Variants in SLC5A8 observed in about 807,000 individuals in gnomAD.
SLC5A8 encodes the protein solute carrier family 5 member 8.
SLC5A8 carries 55 observed loss-of-function variants against 71.9 expected under a neutral mutation model. That is an observed-to-expected ratio of 0.77 (90% CI 0.62 to 0.96). SLC5A8 has a LOEUF of 0.96. Ranked by LOEUF, SLC5A8 falls within the 40% of genes least tolerant of loss-of-function variation. SLC5A8 has a pLI of 0.00. For missense variants in SLC5A8, 701 were observed against 745.3 expected (o/e 0.94, Z 0.69); for synonymous variants, 307 against 276.1 (o/e 1.11, Z -1.11).
intron 3 of SLC5A8, among the ~76,000 whole-genome samples, chr12:101,198,020 A>G (rs1229553186): frequency 6.6e-6 from 1 of 152,080 alleles, no homozygotes; most frequent in African/African-American, 2.4e-5. Context: ...AAATAACAAA[A>G]AGACATGATA....
intron 9 of SLC5A8, among the ~76,000 whole-genome samples, chr12:101,182,256 A>T (rs1300487606): frequency 6.6e-6 from 1 of 152,222 alleles, no homozygotes; most frequent in South Asian, 2.1e-4. Flanking sequence ...GTCAAAATTC[A>T]TAACACTCTG....
At chr12:101,187,899 A>G (rs998876387) in intron 6 of SLC5A8, among the ~76,000 whole-genome samples, 9 of 152,384 alleles carry the variant, frequency 5.9e-5, no homozygotes, top group East Asian at 3.9e-4. Flanking sequence ...AAGTAATGCA[A>G]TTGTAAACTG....
intron 10 of SLC5A8, among the ~76,000 whole-genome samples, chr12:101,179,288 C>G (rs1196851222): frequency 6.6e-6 from 1 of 152,212 alleles, no homozygotes; most frequent in Non-Finnish European, 1.5e-5. Flanking sequence ...GACAGTTGCA[C>G]TCCTGGGTAG....
At chr12:101,166,435 G>T (rs748643834) in intron 12 of SLC5A8, 59 bp downstream of exon 12, 87 of 1,441,840 alleles carry the variant, frequency 6.0e-5, no homozygotes, top group Non-Finnish European at 7.8e-5. Flanking sequence ...AGCAAGTGGG[G>T]TTCTCTACTT....
At chr12:101,201,975 T>C (rs1173703440) in intron 3 of SLC5A8, among the ~76,000 whole-genome samples, 189 bp downstream of exon 3, 2 of 152,150 alleles carry the variant, frequency 1.3e-5, no homozygotes, top group East Asian at 3.9e-4. Context: ...TACAGACACT[T>C]TGGAGCTGTC....
chr12:101,191,083 T>G (rs1359803113), intron 5 of SLC5A8, among the ~76,000 whole-genome samples: 1 of 152,224 alleles, frequency 6.6e-6, no homozygotes, highest in Non-Finnish European at 1.5e-5. Flanking sequence ...TAATCTATAT[T>G]CACGTTCAAC....
In SLC5A8 at chr12:101,209,701, G is replaced by A. The variant is rs1869839393; in HGVS notation, c.148C>T (p.Arg50Cys). 5.0e-6 allele frequency: 8 copies of A among 1,613,250 alleles called. No individual in the cohort carries two copies. The African/African-American group carries it at 5.3e-5, about 11-fold the overall frequency. Residue 50 changes from arginine to cysteine, a missense_variant, in exon 1 of 15, where the codon CGC becomes TGC. By Grantham distance (180) the Arg-to-Cys change is radical (BLOSUM62 -3). Coordinates refer to ENST00000536262, the MANE Select transcript of SLC5A8 (RefSeq NM_145913.5). ...GCCACGGGCACTGCGGTCATTCTGC[G>A]GCCGCCCATCAGGAAGTCCTTGGAG... is the stretch of plus-strand genomic sequence containing the variant. ...QTSKDFLMGG[R>C]RMTAVPVALS...
In SLC5A8 at chr12:101,162,435, G is replaced by A. The variant is rs550705325; in HGVS notation, c.1527-358C>T. Reference sequence around the variant, plus strand: ...ATAAATTGTTCTACCAAAAAGACACGTGCACTTATATGTTCATCGCAGCAC... The same window carrying A: ...ATAAATTGTTCTACCAAAAAGACACATGCACTTATATGTTCATCGCAGCAC... On this transcript the variant is annotated intron_variant, in intron 12 of 14. Coordinates refer to ENST00000536262, the MANE Select transcript of SLC5A8 (RefSeq NM_145913.5). Among the ~76,000 whole-genome samples the A allele has an allele frequency of 1.1e-4, 17 of 152,240 alleles. No individual in the cohort carries two copies. The East Asian group carries it at 1.5e-3, about 14-fold the overall frequency.
chr12:101,194,608 G>A (rs1869078202), intron 4 of SLC5A8, among the ~76,000 whole-genome samples: 1 of 152,052 alleles, frequency 6.6e-6, no homozygotes, highest in Admixed American at 6.6e-5. Flanking sequence ...TGGGACTACA[G>A]GTGTATGCCA....
At chr12:101,183,663 A>G (rs1868473917) in intron 8 of SLC5A8, among the ~76,000 whole-genome samples, 1 of 152,224 alleles carries the variant, frequency 6.6e-6, no homozygotes, top group African/African-American at 2.4e-5. Context: ...GTTGATAATA[A>G]CAATTCTCTG....
rs375343628 is a variant in SLC5A8 at position 101,193,643 on chromosome 12, C to T, written c.674G>A (p.Gly225Glu). ...CACTTACTTCCAGAAATTTAATCTT[C>T]CACCATCATAGGCATCATTTAAAAT... ...STILNDAYDG[G>E]RLNFWNFNPN... The change falls in exon 5 of 15, where the codon GGA (glycine) becomes GAA (glutamate). Residue 225 changes from glycine to glutamate, a missense_variant. Physicochemically the swap from Gly to Glu is moderately conservative, Grantham distance 98 (BLOSUM62 -2). Transcript: ENST00000536262. 13 of 1,613,454 alleles carry T rather than the reference C, an allele frequency of 8.1e-6. No individual in the cohort carries two copies. The highest frequency in any genetic ancestry group is 1.1e-5 in the Non-Finnish European group (13 of 1,179,778).
At chr12:101,192,028 C>A (rs1014800877) in intron 5 of SLC5A8, among the ~76,000 whole-genome samples, 2 of 152,208 alleles carry the variant, frequency 1.3e-5, no homozygotes, top group African/African-American at 4.8e-5. Context: ...GATTTGGGAG[C>A]AATCAAGAGT....
intron 5 of SLC5A8, among the ~76,000 whole-genome samples, chr12:101,191,509 A>G (rs963757571): frequency 6.6e-6 from 1 of 152,218 alleles, no homozygotes; most frequent in African/African-American, 2.4e-5. Flanking sequence ...AACATTTCAT[A>G]TCAAAGTGTA....
At chr12:101,172,843 C>A (rs2051842915) in intron 10 of SLC5A8, among the ~76,000 whole-genome samples, 1 of 152,148 alleles carries the variant, frequency 6.6e-6, no homozygotes, top group African/African-American at 2.4e-5. Context: ...GTTGGTTTGG[C>A]TTATGATGGG....
chr12:101,165,806 T>C (rs1408049120), intron 12 of SLC5A8, among the ~76,000 whole-genome samples: 1 of 152,180 alleles, frequency 6.6e-6, no homozygotes, highest in East Asian at 1.9e-4. Context: ...CTAGGGGCAA[T>C]GGCATCATCT....
chr12:101,208,743 A>G (rs981609095), intron 1 of SLC5A8, among the ~76,000 whole-genome samples: 11 of 152,164 alleles, frequency 7.2e-5, no homozygotes, highest in African/African-American at 2.7e-4. Flanking sequence ...AACTACCACC[A>G]TCACAACTAG....
intron 6 of SLC5A8, 122 bp downstream of exon 6, chr12:101,190,346 A>G: frequency 5.5e-6 from 6 of 1,095,912 alleles, no homozygotes; most frequent in Non-Finnish European, 7.9e-6. Context: ...CAAATATATC[A>G]TTTATCTCTT....
At chr12:101,206,509 G>A (rs536073136) in intron 1 of SLC5A8, among the ~76,000 whole-genome samples, 7 of 152,262 alleles carry the variant, frequency 4.6e-5, no homozygotes, top group Admixed American at 1.3e-4. Context: ...TTAAGCCCAA[G>A]GACCAACTCA....
intron 3 of SLC5A8, 149 bp downstream of exon 3, chr12:101,202,015 A>T (rs1269565651): frequency 1.3e-6 from 1 of 744,796 alleles, no homozygotes; most frequent in Non-Finnish European, 2.2e-6. Context: ...GCTAGTGTAG[A>T]CACTGAACCC....
Sources: allele counts gnomAD v4.1 joint callset (sites outside exome capture counted in the v4.1 genomes callset), GRCh38; gene constraint gnomAD v4.1.1; transcripts MANE v1.5; gene names NCBI Gene and HGNC (gene_info 2026-07-23, HGNC 2026-07-21).